The following TMEM242 variants were observed in gnomAD, a reference collection of about 807,000 sequenced individuals.
TMEM242 encodes UPF0463 transmembrane protein C6orf35.
A neutral mutation model predicts 18.2 loss-of-function variants in TMEM242; 10 were observed. The ratio of observed to expected loss-of-function variants is 0.55; its 90% CI spans 0.34 to 0.93. The LOEUF (loss-of-function observed/expected upper bound fraction) is 0.93. Among genes scored for constraint, TMEM242 ranks in the 40% least tolerant of loss-of-function variants. The pLI is 0.02. For synonymous variants in TMEM242, 57 were observed against 69.9 expected, an observed-to-expected ratio of 0.81 and a Z score of 0.92; for missense variants, 186 against 175.5, an observed-to-expected ratio of 1.06 and a Z score of -0.34.
At chr6:157,303,573 A>T (rs1554247665) in intron 3 of TMEM242, among the ~76,000 whole-genome samples, 1 of 152,256 alleles carries the variant, frequency 6.6e-6, no homozygotes, top group Non-Finnish European at 1.5e-5. Flanking sequence ...TATCCTTTAA[A>T]GTTATTTAAA....
At chr6:157,314,365 T>C (rs1778344098) in intron 3 of TMEM242, among the ~76,000 whole-genome samples, 1 of 149,264 alleles carries the variant, frequency 6.7e-6, no homozygotes, top group Admixed American at 6.8e-5. Context: ...TGTCCCAGCA[T>C]GCATTCCCAT....
chr6:157,303,994 G>A lies in TMEM242; in HGVS notation c.328-10995C>T, dbSNP rs187551215. 1.7e-4 allele frequency among the ~76,000 whole-genome samples: 26 copies of A among 152,062 alleles called. No homozygotes were observed. The East Asian group carries it at 4.4e-3, about 26-fold the overall frequency. ...ATGCTGGGATCAACTTCCTGTTTAC[G>A]GTATTTAAATATGAAATGAATTGGC... is the stretch of plus-strand genomic sequence containing the variant. On this transcript the variant is annotated intron_variant, in intron 3 of 3. Transcript: ENST00000400788.
At chr6:157,323,282 C>A in intron 1 of TMEM242, 130 bp downstream of exon 1, 1 of 1,073,578 alleles carries the variant, frequency 9.3e-7, no homozygotes, top group Non-Finnish European at 1.4e-6. Context: ...ACTCCGCGGG[C>A]TAAACTCAGG....
Position 157,292,749 on chromosome 6 carries a change from T to C in TMEM242, c.*152A>G. The C allele has an allele frequency of 1.7e-6, 1 of 596,434 alleles. No individual in the cohort carries two copies. Among genetic ancestry groups the C allele is most frequent in the Non-Finnish European group, 3.0e-6 (1 of 335,700 alleles). The allele number at this position is 596,434 out of a possible 1,614,324, so 36.9% of individuals were successfully genotyped here. ...CCCAGCACGCACACACATACTCTCC[T>C]GTGATGAGGCTGAATGCTATCCAGT... On this transcript the variant is annotated 3_prime_UTR_variant, in exon 4 of 4. Transcript: ENST00000400788.
intron 3 of TMEM242, chr6:157,318,466 G>C: frequency 2.8e-6 from 1 of 352,978 alleles, no homozygotes; most frequent in Non-Finnish European, 5.0e-6. Context: ...CAAGTGATTT[G>C]CCTGCCGCAG....
chr6:157,305,866 G>A lies in TMEM242; in HGVS notation c.328-12867C>T, dbSNP rs782508287. Among the ~76,000 whole-genome samples the A allele has an allele frequency of 1.7e-4, 26 of 152,164 alleles. No individual in the cohort carries two copies. Among genetic ancestry groups the A allele is most frequent in the African/African-American group, 5.6e-4 (23 of 41,426 alleles). On this transcript the variant is annotated intron_variant, in intron 3 of 3. Transcript: ENST00000400788. The surrounding 1 kb of genome is among the most constrained non-coding windows in gnomAD (Gnocchi z 4.1). ...TAATAGCAGTTCCAGTGCAGCGCTGGGGCAAGGAGCTGGACTGAGAGCAGG... is the reference window on the plus strand; with the variant it reads ...TAATAGCAGTTCCAGTGCAGCGCTGAGGCAAGGAGCTGGACTGAGAGCAGG...
At chr6:157,320,024 C>T (rs782265559) in intron 2 of TMEM242, among the ~76,000 whole-genome samples, 2 of 152,180 alleles carry the variant, frequency 1.3e-5, no homozygotes, top group Non-Finnish European at 2.9e-5. Flanking sequence ...TTAGAAAAGA[C>T]CTCCAGGTGG....
chr6:157,321,887 A>G (rs1461653968), intron 2 of TMEM242, among the ~76,000 whole-genome samples: 1 of 152,210 alleles, frequency 6.6e-6, no homozygotes, highest in Admixed American at 6.5e-5. Flanking sequence ...TAACATAGAG[A>G]GAAAATGACC....
intron 2 of TMEM242, among the ~76,000 whole-genome samples, chr6:157,319,941 G>A (rs2128417953): frequency 6.6e-6 from 1 of 152,328 alleles, no homozygotes; most frequent in South Asian, 2.1e-4. Context: ...GGTGTGAGGA[G>A]AGTTCAATGA....
intron 3 of TMEM242, among the ~76,000 whole-genome samples, chr6:157,314,496 A>C (rs1461709404): frequency 6.6e-6 from 1 of 152,268 alleles, no homozygotes; most frequent in African/African-American, 2.4e-5. Context: ...ATAATAAAAT[A>C]CCATAGTTGA....
At chr6:157,301,466 C>A (rs1221253160) in intron 3 of TMEM242, among the ~76,000 whole-genome samples, 1 of 152,098 alleles carries the variant, frequency 6.6e-6, no homozygotes, top group Non-Finnish European at 1.5e-5. Context: ...CACCTGCCAC[C>A]ACACCTGGCT....
chr6:157,297,083 G>A (rs188997352), intron 3 of TMEM242, among the ~76,000 whole-genome samples: 1 of 152,322 alleles, frequency 6.6e-6, no homozygotes, highest in Admixed American at 6.5e-5. Flanking sequence ...GCCACTTAGA[G>A]AGTCCTTACT....
Position 157,305,231 on chromosome 6 carries a change from G to A in TMEM242, c.328-12232C>T, listed in dbSNP as rs1480691861. Among the ~76,000 whole-genome samples the A allele has an allele frequency of 1.3e-5, 2 of 152,084 alleles. No individual in the cohort carries two copies. The highest frequency in any genetic ancestry group is 6.6e-5 in the Admixed American group (1 of 15,264). On this transcript the variant is annotated intron_variant, in intron 3 of 3. Transcript: ENST00000400788. The surrounding 1 kb of genome is among the most constrained non-coding windows in gnomAD (Gnocchi z 4.1). ...ATGTGGAGAGATGAAGGAGGCAGGCGGTGTTCAGCGGCAGAGCTGACAAGC... is the reference window on the plus strand; with the variant it reads ...ATGTGGAGAGATGAAGGAGGCAGGCAGTGTTCAGCGGCAGAGCTGACAAGC...
In TMEM242 at chr6:157,305,220, A is replaced by C. The variant is rs1047873635; in HGVS notation, c.328-12221T>G. The stretch of plus-strand genomic sequence containing the variant: ...CAGAGGAATGGATGTGGAGAGATGA[A>C]GGAGGCAGGCGGTGTTCAGCGGCAG... On this transcript the variant is annotated intron_variant, in intron 3 of 3. Transcript: ENST00000400788. The surrounding 1 kb of genome is among the most constrained non-coding windows in gnomAD (Gnocchi z 4.1). 5.3e-5 allele frequency among the ~76,000 whole-genome samples: 8 copies of C among 152,164 alleles called. No individual in the cohort carries two copies. Among genetic ancestry groups the C allele is most frequent in the Non-Finnish European group, 7.3e-5 (5 of 68,034 alleles).
chr6:157,312,176 G>C (rs797022898), intron 3 of TMEM242, among the ~76,000 whole-genome samples: 1 of 34,576 alleles, frequency 2.9e-5, no homozygotes, highest in Non-Finnish European at 6.3e-5. Context: ...GCACTCACCC[G>C]GCCTCATCAT....
chr6:157,304,105 G>C (rs972458562), intron 3 of TMEM242, among the ~76,000 whole-genome samples: 1 of 152,190 alleles, frequency 6.6e-6, no homozygotes, highest in Non-Finnish European at 1.5e-5. Flanking sequence ...ATATAAAAGA[G>C]CCACTTGTGT....
chr6:157,308,173 T>A (rs1274571741), intron 3 of TMEM242, among the ~76,000 whole-genome samples: 1 of 152,208 alleles, frequency 6.6e-6, no homozygotes, highest in African/African-American at 2.4e-5. Context: ...GTTTTACTAT[T>A]TACATATGGG....
chr6:157,319,499 C>T (rs929416872), intron 2 of TMEM242, among the ~76,000 whole-genome samples: 1 of 152,156 alleles, frequency 6.6e-6, no homozygotes, highest in African/African-American at 2.4e-5. Context: ...TAAATTACTT[C>T]GCCACTTTTA....
At chr6:157,294,815 G>A (rs1554247113) in intron 3 of TMEM242, among the ~76,000 whole-genome samples, 2 of 152,194 alleles carry the variant, frequency 1.3e-5, no homozygotes, top group Admixed American at 1.3e-4. Flanking sequence ...GCAAACTGTA[G>A]CACTGCTGTC....
Sources: allele counts gnomAD v4.1 joint callset (sites outside exome capture counted in the v4.1 genomes callset), GRCh38; gene constraint gnomAD v4.1.1; non-coding constraint Gnocchi (gnomAD v3.1); transcripts MANE v1.5; gene names NCBI Gene and HGNC (gene_info 2026-07-23, HGNC 2026-07-21).